LRBA: variants seen among roughly 807,000 people sequenced by gnomAD.
The protein encoded by LRBA is LPS responsive beige-like anchor protein.
In LRBA, 176 loss-of-function variants were observed where a neutral mutation model predicts 330.0. The observed-to-expected ratio is 0.53, with a 90% CI of 0.47 to 0.60. The LOEUF is 0.60. Ranked by LOEUF, LRBA falls within the 20% of genes least tolerant of loss-of-function variation. The probability of loss-of-function intolerance (pLI) is 0.00; values close to 1 mark genes in which losing one functional copy is unlikely to be tolerated. For synonymous variants in LRBA, 1,230 were observed against 1,193.0 expected, an observed-to-expected ratio of 1.03 and a Z score of -0.64; for missense variants, 3,259 against 3,444.8, an observed-to-expected ratio of 0.95 and a Z score of 1.35.
At chr4:150,571,976 T>G (rs746688388) in intron 40 of LRBA, among the ~76,000 whole-genome samples, 16 of 152,120 alleles carry the variant, frequency 1.1e-4, no homozygotes, top group South Asian at 2.1e-4. Flanking sequence ...TACTTAGGTA[T>G]TATAACAAAA....
chr4:150,822,204 T>G (rs1745541301), intron 30 of LRBA, among the ~76,000 whole-genome samples: 1 of 152,162 alleles, frequency 6.6e-6, no homozygotes, highest in East Asian at 1.9e-4. Context: ...ATCAAAATTA[T>G]CTGTTGTTTT....
Position 150,436,869 on chromosome 4 carries a change from C to A in LRBA, c.6781-5G>T. 6.2e-7 allele frequency: 1 copy of A among 1,612,846 alleles called. No homozygotes were observed. Among genetic ancestry groups the A allele is most frequent in the Non-Finnish European group, 8.5e-7 (1 of 1,179,416 alleles). ...TGGGTTCAGAGCTCCTATTGGCTGC[C>A]AATAGGGAGGGAAAAAACAAAGAAT... On this transcript the variant is annotated splice_region_variant and splice_polypyrimidine_tract_variant and intron_variant, in intron 44 of 56. Coordinates refer to ENST00000651943, the MANE Select transcript of LRBA (RefSeq NM_001364905.1).
intron 34 of LRBA, among the ~76,000 whole-genome samples, chr4:150,796,949 G>T (rs1192243688): frequency 1.3e-5 from 2 of 151,742 alleles, no homozygotes; most frequent in Non-Finnish European, 3.0e-5. Flanking sequence ...TTGAAGAAAT[G>T]GAGTTTTCTA....
intron 41 of LRBA, among the ~76,000 whole-genome samples, chr4:150,489,625 A>G (rs1274401219): frequency 1.5e-4 from 18 of 120,442 alleles, no homozygotes; most frequent in Non-Finnish European, 2.3e-4. Flanking sequence ...ATATAAGAAT[A>G]TATAATATAT....
chr4:150,751,360 C>A (rs1251196985), intron 35 of LRBA, among the ~76,000 whole-genome samples: 1 of 152,004 alleles, frequency 6.6e-6, no homozygotes, highest in Admixed American at 6.6e-5. Flanking sequence ...TAAATATTCA[C>A]ACAATGTTAT....
chr4:150,765,253 A>C lies in LRBA; in HGVS notation c.5581-3406T>G, dbSNP rs147685783. Among the ~76,000 whole-genome samples the C allele has an allele frequency of 3.9e-5, 6 of 152,180 alleles. No individual in the cohort carries two copies. In the South Asian group the frequency reaches 6.2e-4, roughly 16 times the overall value. On this transcript the variant is annotated intron_variant, in intron 34 of 56. Coordinates refer to ENST00000651943, the MANE Select transcript of LRBA (RefSeq NM_001364905.1). ...GAAATGTAAAAAGATCCGTGTTTAT[A>C]GGGGTTAGTGGGAATGGAGGGGAGC...
intron 15 of LRBA, among the ~76,000 whole-genome samples, chr4:150,897,268 C>G (rs1196593165): frequency 6.6e-6 from 1 of 151,760 alleles, no homozygotes; most frequent in Non-Finnish European, 1.5e-5. Flanking sequence ...AACCAAAATG[C>G]CTTTTTTAGA....
At chr4:150,969,747 G>A (rs1739309621) in intron 2 of LRBA, among the ~76,000 whole-genome samples, 1 of 152,202 alleles carries the variant, frequency 6.6e-6, no homozygotes, top group African/African-American at 2.4e-5. Context: ...TGAGATTACA[G>A]GCGTGAGCCA....
chr4:150,371,342 G>A (rs1233625978), intron 47 of LRBA, among the ~76,000 whole-genome samples: 9 of 151,396 alleles, frequency 5.9e-5, no homozygotes, highest in Non-Finnish European at 5.9e-5. Context: ...ACAGTCGCCC[G>A]CCACCACACC....
chr4:150,330,766 G>C (rs959842347), intron 48 of LRBA, among the ~76,000 whole-genome samples: 12 of 149,600 alleles, frequency 8.0e-5, no homozygotes, highest in African/African-American at 2.9e-4. Flanking sequence ...CTGCTAGAAG[G>C]GTCTGAATAC....
intron 40 of LRBA, among the ~76,000 whole-genome samples, chr4:150,555,094 C>T (rs906714024): frequency 6.6e-5 from 10 of 151,982 alleles, no homozygotes; most frequent in Middle Eastern, 6.9e-3. Flanking sequence ...ATTCAAAGGC[C>T]CTTAAAATAT....
intron 45 of LRBA, 81 bp from the exon 46 acceptor site, chr4:150,435,789 C>G: frequency 1.9e-6 from 2 of 1,073,238 alleles, no homozygotes; most frequent in South Asian, 1.6e-5. Context: ...GAACTAAATA[C>G]TTTAATGACT....
chr4:151,009,079 C>A (rs181327615), intron 2 of LRBA, among the ~76,000 whole-genome samples: 66 of 133,118 alleles, frequency 5.0e-4, no homozygotes, highest in African/African-American at 1.8e-3. Flanking sequence ...GTTGCACAGG[C>A]TGGTGTTGAA....
At chr4:150,791,564 C>T (rs1739914939) in intron 34 of LRBA, among the ~76,000 whole-genome samples, 1 of 152,046 alleles carries the variant, frequency 6.6e-6, no homozygotes, top group Non-Finnish European at 1.5e-5. Context: ...AGGACTTGGG[C>T]AAGGCAGATA....
intron 44 of LRBA, among the ~76,000 whole-genome samples, chr4:150,452,478 C>A (rs540925027): frequency 6.6e-6 from 1 of 151,930 alleles, no homozygotes; most frequent in East Asian, 1.9e-4. Flanking sequence ...AAAAATTAGC[C>A]GCGTGCGGTG....
intron 9 of LRBA, among the ~76,000 whole-genome samples, chr4:150,909,712 T>C (rs552172050): frequency 1.3e-5 from 2 of 152,296 alleles, no homozygotes; most frequent in South Asian, 4.1e-4. Context: ...GGAAGTTCTA[T>C]TTTTAATTTT....
intron 4 of LRBA, among the ~76,000 whole-genome samples, chr4:150,921,828 C>T (rs1279329275): frequency 1.3e-5 from 2 of 152,176 alleles, no homozygotes; most frequent in South Asian, 2.1e-4. Flanking sequence ...CAGGTTCAAG[C>T]GATTCTCCTG....
intron 17 of LRBA, among the ~76,000 whole-genome samples, chr4:150,875,336 A>G (rs1285316121): frequency 1.3e-5 from 2 of 152,152 alleles, no homozygotes; most frequent in East Asian, 3.9e-4. Context: ...CTGGATTAGG[A>G]GTTTAGGCCA....
At chr4:150,340,500 A>G (rs1041823563) in intron 48 of LRBA, among the ~76,000 whole-genome samples, 1 of 152,166 alleles carries the variant, frequency 6.6e-6, no homozygotes, top group Non-Finnish European at 1.5e-5. Context: ...ATTGATTAAT[A>G]GTGAGGATGA....
Sources: allele counts gnomAD v4.1 joint callset (sites outside exome capture counted in the v4.1 genomes callset), GRCh38; gene constraint gnomAD v4.1.1; transcripts MANE v1.5; gene names NCBI Gene and HGNC (gene_info 2026-07-23, HGNC 2026-07-21).